Variants in DCAF12 observed in about 807,000 individuals in gnomAD.
The protein encoded by DCAF12 is DDB1- and CUL4-associated factor 12.
A neutral mutation model predicts 52.8 loss-of-function variants in DCAF12; 28 were observed. That is an observed-to-expected ratio of 0.53 (90% CI 0.39 to 0.73). The LOEUF (loss-of-function observed/expected upper bound fraction) is 0.73. DCAF12 is among the 30% of genes least tolerant of loss of function. The pLI, the probability that DCAF12 is intolerant of heterozygous loss-of-function variation, is 0.00. For missense variants in DCAF12, 425 were observed against 552.2 expected, an observed-to-expected ratio of 0.77 and a Z score of 2.31; for synonymous variants, 196 against 215.5, an observed-to-expected ratio of 0.91 and a Z score of 0.79.
chr9:34,124,456 T>C (rs1829217665), intron 2 of DCAF12, among the ~76,000 whole-genome samples: 2 of 152,258 alleles, frequency 1.3e-5, no homozygotes, highest in Non-Finnish European at 2.9e-5. Flanking sequence ...CTATTCACTC[T>C]TAAAAAGGCT....
chr9:34,118,166 C>T (rs563474097), intron 2 of DCAF12, among the ~76,000 whole-genome samples: 11 of 152,172 alleles, frequency 7.2e-5, no homozygotes, highest in East Asian at 1.9e-4. Flanking sequence ...GACAGACTCA[C>T]TCTGTCGCCC....
intron 3 of DCAF12, among the ~76,000 whole-genome samples, chr9:34,106,986 G>A (rs1208622017): frequency 6.6e-6 from 1 of 152,022 alleles, no homozygotes; most frequent in African/African-American, 2.4e-5. Context: ...TTTATGTTTT[G>A]TCTATATGTC....
At chr9:34,112,281 T>G (rs148104182) in intron 2 of DCAF12, among the ~76,000 whole-genome samples, 1 of 152,076 alleles carries the variant, frequency 6.6e-6, no homozygotes, top group Non-Finnish European at 1.5e-5. Context: ...TAAATGTGAG[T>G]GGGTTTCTTA....
Position 34,086,438 on chromosome 9 carries a change from T to C in DCAF12, c.*1912A>G, listed in dbSNP as rs567424755. On this transcript the variant is annotated 3_prime_UTR_variant, in exon 9 of 9. Transcript: ENST00000361264. ...CCTTGGCAAAAAGTCAAGTGCTACA[T>C]TTTTAAAAACAGAAAATCTCAAACA... The C allele has an allele frequency of 6.6e-6, 1 of 152,292 alleles. No homozygotes were observed. Among genetic ancestry groups the C allele is most frequent in the African/African-American group, 2.4e-5 (1 of 41,570 alleles). The allele number at this position is 152,292 out of a possible 1,614,324, so 9.4% of individuals were successfully genotyped here.
In DCAF12 at chr9:34,098,326, T is replaced by C. The variant is rs1828771335; in HGVS notation, c.793A>G (p.Lys265Glu). The change falls in exon 5 of 9, where the codon AAG (lysine) becomes GAG (glutamate). Residue 265 changes from lysine to glutamate, a missense_variant and splice_region_variant. Around this residue, in one of 3 missense-constraint regions of DCAF12, gnomAD observed 328 missense variants for 444.4 expected, o/e 0.74. Coordinates refer to ENST00000361264, the MANE Select transcript of DCAF12 (RefSeq NM_015397.4). ...GGGATCCCTACACAAGTTCATACCT[T>C]GTTCTTGTTGTTGAAGGCCAGAGCC... ...VRALAFNNKN[K>E]ELGAVSLDGY... 6.2e-7 allele frequency: 1 copy of C among 1,613,690 alleles called. No individual in the cohort carries two copies. Among genetic ancestry groups the C allele is most frequent in the African/African-American group, 1.3e-5 (1 of 74,918 alleles).
At chr9:34,095,908 C>A (rs1828728020) in intron 6 of DCAF12, 2 of 152,236 alleles carry the variant, frequency 1.3e-5, no homozygotes, top group African/African-American at 4.8e-5. Context: ...AGGAGGACTG[C>A]TAGTCAAAGG....
Position 34,087,978 on chromosome 9 carries a change from T to G in DCAF12, c.*372A>C. On this transcript the variant is annotated 3_prime_UTR_variant, in exon 9 of 9. Coordinates refer to ENST00000361264, the MANE Select transcript of DCAF12 (RefSeq NM_015397.4). The stretch of plus-strand genomic sequence containing the variant: ...TTCACAGAAAGTCTGAGAGCAACCA[T>G]GTAATTATAAAGGAGCCCTACCTCT... 6.4e-6 allele frequency: 1 copy of G among 157,114 alleles called. No individual in the cohort carries two copies. Among genetic ancestry groups the G allele is most frequent in the Non-Finnish European group, 1.4e-5 (1 of 72,900 alleles). The allele number at this position is 157,114 out of a possible 1,614,324, so 9.7% of individuals were successfully genotyped here. A position where few individuals can be genotyped will look rare whatever the true frequency, so the allele number is the denominator to read the frequency against.
chr9:34,105,113 C>A (rs12337902), intron 4 of DCAF12, among the ~76,000 whole-genome samples: 3 of 151,340 alleles, frequency 2.0e-5, no homozygotes, highest in African/African-American at 7.3e-5. Flanking sequence ...ATTAGCCTGG[C>A]GTGGTGGTGG....
intron 4 of DCAF12, 54 bp downstream of exon 4, chr9:34,106,380 T>G: frequency 6.8e-7 from 1 of 1,467,102 alleles, no homozygotes; most frequent in Non-Finnish European, 9.4e-7. Flanking sequence ...CTTTTCAATC[T>G]CTAGCCCCCA....
At chr9:34,099,424 G>A (rs1828791748) in intron 4 of DCAF12, among the ~76,000 whole-genome samples, 1 of 151,788 alleles carries the variant, frequency 6.6e-6, no homozygotes, top group Non-Finnish European at 1.5e-5. Flanking sequence ...TAGAGATTGG[G>A]TTTCACCATA....
intron 2 of DCAF12, among the ~76,000 whole-genome samples, chr9:34,121,160 C>A (rs1179568131): frequency 6.6e-6 from 1 of 151,976 alleles, no homozygotes; most frequent in Non-Finnish European, 1.5e-5. Context: ...TCTCAAAAAA[C>A]AAACAAACAA....
chr9:34,091,618 A>G (rs1318864467), intron 7 of DCAF12, among the ~76,000 whole-genome samples: 1 of 134,786 alleles, frequency 7.4e-6, no homozygotes, highest in Non-Finnish European at 1.6e-5. Context: ...AGCCTGGCTG[A>G]TAGAGTGAGG....
intron 2 of DCAF12, among the ~76,000 whole-genome samples, chr9:34,123,974 A>G (rs528845590): frequency 1.3e-5 from 2 of 152,300 alleles, no homozygotes; most frequent in South Asian, 4.2e-4. Context: ...CCCAACCACC[A>G]TGGTATTATT....
intron 1 of DCAF12, among the ~76,000 whole-genome samples, chr9:34,126,014 T>A (rs1329919159): frequency 2.0e-5 from 3 of 152,102 alleles, no homozygotes; most frequent in Non-Finnish European, 4.4e-5. Context: ...CCATGGAAGG[T>A]AGAGTTCACT....
rs1829162468 is a variant in DCAF12, at chr9:34,120,807, G to A, written c.333+4216C>T. 2.0e-5 allele frequency among the ~76,000 whole-genome samples: 3 copies of A among 152,128 alleles called. No individual in the cohort carries two copies. The South Asian group carries it at 6.2e-4, about 32-fold the overall frequency. ...CATCAGACAAGGCCACTCTGCAACT[G>A]TGATAAAGACAAAAACAAGACCACT... On this transcript the variant is annotated intron_variant, in intron 2 of 8. Coordinates refer to ENST00000361264, the MANE Select transcript of DCAF12 (RefSeq NM_015397.4).
chr9:34,099,579 CTTTTT>C (rs1215490052), intron 4 of DCAF12, among the ~76,000 whole-genome samples: 4 of 150,656 alleles, frequency 2.7e-5, no homozygotes, highest in Non-Finnish European at 5.9e-5. Context: ...AGCTAATTTT[CTTTTT>C]TATTTTTCTT....
chr9:34,108,462 T>C (rs948304241), intron 2 of DCAF12, among the ~76,000 whole-genome samples: 1 of 152,234 alleles, frequency 6.6e-6, no homozygotes, highest in East Asian at 1.9e-4. Context: ...ACACAGAAGA[T>C]ATATGAAAGG....
In DCAF12 at chr9:34,088,367, C is replaced by A; in HGVS notation, c.1345G>T (p.Ala449Ser). 6.2e-7 allele frequency: 1 copy of A among 1,602,822 alleles called. No individual in the cohort carries two copies. The stretch of plus-strand genomic sequence containing the variant: ...AGTTGTCATTAACTCCAGAGCCCAG[C>A]ATAGTTTCCATGGAGCCCTGAAGGG... ...PLPSGLHGNY[A>S]GLWS The change falls in exon 9 of 9, where the codon GCT (alanine) becomes TCT (serine). Residue 449 changes from alanine to serine, a missense_variant. By Grantham distance (99) the Ala-to-Ser change is moderately conservative. Transcript: ENST00000361264.
chr9:34,090,156 C>T (rs1022046275), intron 7 of DCAF12, among the ~76,000 whole-genome samples: 2 of 152,102 alleles, frequency 1.3e-5, no homozygotes, highest in East Asian at 1.9e-4. Context: ...CTCTGCCTTC[C>T]GGGTTCAAGC....
Sources: allele counts gnomAD v4.1 joint callset (sites outside exome capture counted in the v4.1 genomes callset), GRCh38; gene constraint gnomAD v4.1.1; regional missense constraint gnomAD v4.1.1; transcripts MANE v1.5; gene names NCBI Gene and HGNC (gene_info 2026-07-23, HGNC 2026-07-21).